Variants in GOLPH3 observed in about 807,000 individuals in gnomAD.
The protein encoded by GOLPH3 is golgi phosphoprotein 3, also known as coat protein GPP34.
GOLPH3 carries 14 observed loss-of-function variants against 28.5 expected under a neutral mutation model. That is an observed-to-expected ratio of 0.49 (90% CI 0.32 to 0.77). The LOEUF (loss-of-function observed/expected upper bound fraction) is 0.77. Among genes scored for constraint, GOLPH3 ranks in the 30% least tolerant of loss-of-function variants. The pLI, the probability that GOLPH3 is intolerant of heterozygous loss-of-function variation, is 0.03. For missense variants in GOLPH3, 350 were observed against 393.7 expected, an observed-to-expected ratio of 0.89 and a Z score of 0.94; for synonymous variants, 158 against 159.2, an observed-to-expected ratio of 0.99 and a Z score of 0.06.
At chr5:32,173,697 G>C in intron 1 of GOLPH3, 113 bp downstream of exon 1, 3 of 697,992 alleles carry the variant, frequency 4.3e-6, no homozygotes, top group African/African-American at 1.9e-5. Context: ...ACTTCGGAGC[G>C]AGGGCAGGTG....
chr5:32,166,405 C>T (rs992072816), intron 1 of GOLPH3, among the ~76,000 whole-genome samples: 11 of 152,072 alleles, frequency 7.2e-5, no homozygotes, highest in Admixed American at 2.6e-4. Flanking sequence ...CTGTACAATG[C>T]TATTAAAACA....
intron 1 of GOLPH3, among the ~76,000 whole-genome samples, chr5:32,145,440 TC>T (rs1285079953): frequency 7.2e-5 from 11 of 152,194 alleles, no homozygotes; most frequent in Non-Finnish European, 1.5e-5. Context: ...GGCTTCTGTG[TC>T]CATGAAATTA....
chr5:32,156,686 T>C (rs1746436818), intron 1 of GOLPH3, among the ~76,000 whole-genome samples: 1 of 152,114 alleles, frequency 6.6e-6, no homozygotes, highest in African/African-American at 2.4e-5. Context: ...AAAATTCTCA[T>C]AAGGATCGCC....
chr5:32,171,687 C>T (rs1746841632), intron 1 of GOLPH3, among the ~76,000 whole-genome samples: 1 of 151,846 alleles, frequency 6.6e-6, no homozygotes, highest in Non-Finnish European at 1.5e-5. Context: ...GTGGCTCAAA[C>T]CTGTAATCTC....
At chr5:32,139,410 T>C (rs1293618993) in intron 2 of GOLPH3, among the ~76,000 whole-genome samples, 1 of 152,250 alleles carries the variant, frequency 6.6e-6, no homozygotes, top group Non-Finnish European at 1.5e-5. Context: ...CCACAGATAC[T>C]GAGGAACAAC....
At chr5:32,128,522 CG>C (rs1048463942) in intron 3 of GOLPH3, among the ~76,000 whole-genome samples, 10 of 151,942 alleles carry the variant, frequency 6.6e-5, no homozygotes, top group African/African-American at 2.4e-4. Context: ...AGCCGGGCAT[CG>C]TGGCAGTTGC....
At chr5:32,161,015 C>T (rs113971970) in intron 1 of GOLPH3, among the ~76,000 whole-genome samples, 2 of 132,078 alleles carry the variant, frequency 1.5e-5, no homozygotes, top group Non-Finnish European at 1.5e-5. Context: ...TGCAGTGAGC[C>T]GAGATCGCGC....
chr5:32,132,624 A>G (rs909275715), intron 3 of GOLPH3, among the ~76,000 whole-genome samples: 1 of 152,248 alleles, frequency 6.6e-6, no homozygotes, highest in Non-Finnish European at 1.5e-5. Context: ...TTCATAGCAC[A>G]TATGTCATTA....
At chr5:32,140,965 G>A (rs1256419878) in intron 2 of GOLPH3, among the ~76,000 whole-genome samples, 1 of 151,900 alleles carries the variant, frequency 6.6e-6, no homozygotes, top group Non-Finnish European at 1.5e-5. Flanking sequence ...GAGTTCGAGA[G>A]CAGCCCAGGC....
chr5:32,153,075 A>G (rs954696262), intron 1 of GOLPH3, among the ~76,000 whole-genome samples: 2 of 152,258 alleles, frequency 1.3e-5, no homozygotes, highest in Non-Finnish European at 2.9e-5. Flanking sequence ...AACAACCCAT[A>G]AATCCATCAA....
In GOLPH3 at chr5:32,126,041, C is replaced by T. The variant is rs1206008544; in HGVS notation, c.*171G>A. On this transcript the variant is annotated 3_prime_UTR_variant, in exon 4 of 4. Transcript: ENST00000265070. Reference sequence around the variant, plus strand: ...TAAAAACAGAAAGAGGAAGGCCTCTCGTACCAGCAGAATCCTGTACACGTA... The same window carrying T: ...TAAAAACAGAAAGAGGAAGGCCTCTTGTACCAGCAGAATCCTGTACACGTA... 1.1e-5 allele frequency: 7 copies of T among 612,744 alleles called. No homozygotes were observed. The highest frequency in any genetic ancestry group is 2.8e-5 in the South Asian group (1 of 36,108). 38.0% of individuals were successfully genotyped at this position (612,744 alleles called of 1,614,324 possible).
chr5:32,126,340 G>C lies in GOLPH3; in HGVS notation c.769C>G (p.Leu257Val), dbSNP rs1315486513. The C allele has an allele frequency of 3.7e-6, 6 of 1,614,172 alleles. No homozygotes were observed. Among genetic ancestry groups the C allele is most frequent in the South Asian group, 1.1e-5 (1 of 91,074 alleles). Residue 257 changes from leucine to valine, a missense_variant, in exon 4 of 4, where the codon CTG becomes GTG. Transcript: ENST00000265070. ...DVLENAFAPLLDEQYDLATKR... is the reference protein window; with the variant it reads ...DVLENAFAPLVDEQYDLATKR... ...GTAGCCAAATCATACTGCTCGTCCA[G>C]AAGAGGAGCAAAAGCATTCTCCAGG...
chr5:32,173,921 G>C lies in GOLPH3; in HGVS notation c.114C>G (p.Asp38Glu). The change falls in exon 1 of 4, where the codon GAC becomes GAG. Residue 38 changes from aspartate to glutamate, a missense_variant. Physicochemically the swap from Asp to Glu is conservative, Grantham distance 45. Transcript: ENST00000265070. ...AAGGGAGSSEDDAQSRRDEQD... is the reference protein window; with the variant it reads ...AAGGGAGSSEEDAQSRRDEQD... ...GCTCGTCGCGGCGGCTCTGCGCGTC[G>C]TCCTCGCTGCTGCCGGCGCCGCCGC... The C allele has an allele frequency of 6.7e-7, 1 of 1,501,732 alleles. No homozygotes were observed. Among genetic ancestry groups the C allele is most frequent in the Non-Finnish European group, 8.9e-7 (1 of 1,129,880 alleles). 93.0% of individuals were successfully genotyped at this position (1,501,732 alleles called of 1,614,324 possible).
chr5:32,161,191 C>T (rs886087023), intron 1 of GOLPH3, among the ~76,000 whole-genome samples: 18 of 150,536 alleles, frequency 1.2e-4, no homozygotes, highest in Admixed American at 2.6e-4. Context: ...TCACTTGAGC[C>T]CAGGAATTTG....
intron 1 of GOLPH3, among the ~76,000 whole-genome samples, chr5:32,162,471 A>G (rs1268341723): frequency 9.2e-5 from 14 of 151,692 alleles, no homozygotes; most frequent in African/African-American, 1.5e-4. Flanking sequence ...CAGCCTAGGC[A>G]ACAGAGCAAG....
chr5:32,154,086 T>G lies in GOLPH3; in HGVS notation c.226-10206A>C, dbSNP rs956575732. Among the ~76,000 whole-genome samples, 18 of 152,244 alleles carry G rather than the reference T, an allele frequency of 1.2e-4. No individual in the cohort carries two copies. In the South Asian group the frequency reaches 2.9e-3, roughly 25 times the overall value. On this transcript the variant is annotated intron_variant, in intron 1 of 3. Coordinates refer to ENST00000265070, the MANE Select transcript of GOLPH3 (RefSeq NM_022130.4). ...CCCATAGGCTAAAAGTGAGACAATTTAAACATCAAGAAGAGTAATTAATAT... is the reference window on the plus strand; with the variant it reads ...CCCATAGGCTAAAAGTGAGACAATTGAAACATCAAGAAGAGTAATTAATAT...
intron 3 of GOLPH3, chr5:32,134,710 A>C (rs1051223654): frequency 6.6e-6 from 1 of 152,072 alleles, no homozygotes; most frequent in Non-Finnish European, 1.5e-5. Context: ...AAAAAGAAAA[A>C]TATTTATGTA....
chr5:32,136,736 G>A (rs1745941100), intron 2 of GOLPH3, among the ~76,000 whole-genome samples: 1 of 152,080 alleles, frequency 6.6e-6, no homozygotes, highest in Non-Finnish European at 1.5e-5. Context: ...GAACATTCTG[G>A]ATTTTAAATT....
chr5:32,142,401 C>T (rs1259285750), intron 2 of GOLPH3, among the ~76,000 whole-genome samples: 18 of 148,846 alleles, frequency 1.2e-4, no homozygotes, highest in Non-Finnish European at 2.4e-4. Flanking sequence ...GGAGCCCCTC[C>T]GCCCAGCAGC....
Sources: allele counts gnomAD v4.1 joint callset (sites outside exome capture counted in the v4.1 genomes callset), GRCh38; gene constraint gnomAD v4.1.1; transcripts MANE v1.5; gene names NCBI Gene and HGNC (gene_info 2026-07-23, HGNC 2026-07-21).